SLC22A25: variants seen among roughly 807,000 people sequenced by gnomAD.
SLC22A25 encodes the protein MGI:2442751, MGI:2385316, MGI:3042283, MGI:3645714, MGI:3605624, MGI:2442750.
Under a neutral mutation model 45.9 loss-of-function variants are expected in SLC22A25, and 44 were observed. That is an observed-to-expected ratio of 0.96 (90% CI 0.75 to 1.23). SLC22A25 has a LOEUF of 1.23. Ranked by LOEUF, SLC22A25 falls within the 50% of genes most tolerant of loss-of-function variation. The pLI is 0.00. For synonymous variants in SLC22A25, 283 were observed against 238.6 expected, an observed-to-expected ratio of 1.19 and a Z score of -1.72; for missense variants, 800 against 666.4, an observed-to-expected ratio of 1.20 and a Z score of -2.21.
At chr11:63,235,568 ACTT>A (rs2090148848) in intron 3 of SLC22A25, among the ~76,000 whole-genome samples, 1 of 152,144 alleles carries the variant, frequency 6.6e-6, no homozygotes, top group Middle Eastern at 3.4e-3. Context: ...AAAGTTTTTA[ACTT>A]CTTTGCCATT....
At chr11:63,182,222 G>T (rs1009452966) in intron 8 of SLC22A25, among the ~76,000 whole-genome samples, 3 of 151,032 alleles carry the variant, frequency 2.0e-5, no homozygotes, top group African/African-American at 7.4e-5. Context: ...AGCAACACTG[G>T]CCTTCCTCTG....
chr11:63,182,114 A>T (rs1432239932), intron 8 of SLC22A25, among the ~76,000 whole-genome samples: 1 of 152,048 alleles, frequency 6.6e-6, no homozygotes, highest in Non-Finnish European at 1.5e-5. Context: ...GACCACACAC[A>T]TATGGATAAT....
chr11:63,216,453 C>G (rs1212887184), intron 7 of SLC22A25, among the ~76,000 whole-genome samples: 1 of 152,106 alleles, frequency 6.6e-6, no homozygotes. Context: ...TTCACAATAA[C>G]AAATACATGG....
chr11:63,163,020 G>C lies in SLC22A25; in HGVS notation c.*804C>G, dbSNP rs1376238681. On this transcript the variant is annotated 3_prime_UTR_variant, in exon 12 of 12. Transcript: ENST00000306494. ...AAAAAAGCTCAAAAATGAAAGACAT[G>C]GACTAAACATATAAGTCCTGCATTC... 6.6e-6 allele frequency among the ~76,000 whole-genome samples: 1 copy of C among 152,108 alleles called. No homozygotes were observed. Among genetic ancestry groups the C allele is most frequent in the Non-Finnish European group, 1.5e-5 (1 of 68,022 alleles).
At chr11:63,183,178 A>G (rs1024019351) in intron 8 of SLC22A25, among the ~76,000 whole-genome samples, 12 of 152,132 alleles carry the variant, frequency 7.9e-5, no homozygotes, top group African/African-American at 2.9e-4. Context: ...ATACAAATAT[A>G]GATTTGGACT....
intron 7 of SLC22A25, among the ~76,000 whole-genome samples, chr11:63,213,237 G>C (rs751535025): frequency 2.1e-4 from 32 of 152,200 alleles, no homozygotes; most frequent in Non-Finnish European, 4.1e-4. Flanking sequence ...AAAGGAAAGA[G>C]AGCCCCTCCT....
At chr11:63,207,297 C>T (rs1203534041) in intron 7 of SLC22A25, among the ~76,000 whole-genome samples, 1 of 152,182 alleles carries the variant, frequency 6.6e-6, no homozygotes, top group Non-Finnish European at 1.5e-5. Flanking sequence ...AGAGCTTCTG[C>T]ACAGCATTGG....
intron 9 of SLC22A25, among the ~76,000 whole-genome samples, chr11:63,180,097 C>T (rs1406454941): frequency 6.6e-6 from 1 of 152,112 alleles, no homozygotes; most frequent in Non-Finnish European, 1.5e-5. Context: ...TGGTTTCGTG[C>T]TCATCTGGGG....
In SLC22A25 at chr11:63,165,199, CAAAT is replaced by C. The variant is rs376638023; in HGVS notation, c.1286-569_1286-566del. 2.9e-4 allele frequency among the ~76,000 whole-genome samples: 44 copies of C among 152,244 alleles called. No homozygotes were observed. The East Asian group carries it at 4.1e-3, about 14-fold the overall frequency. On this transcript the variant is annotated intron_variant, in intron 10 of 11. Coordinates refer to ENST00000306494, the MANE Select transcript of SLC22A25 (RefSeq NM_199352.6). ...GGAGAAAAATATCAGACTTTGGAAACAAATGAAGTGAAGTTTCAGAGGCAGGATT... is the reference window on the plus strand; with the variant it reads ...GGAGAAAAATATCAGACTTTGGAAACGAAGTGAAGTTTCAGAGGCAGGATT...
At chr11:63,196,185 C>G (rs949934037) in intron 7 of SLC22A25, among the ~76,000 whole-genome samples, 2 of 152,158 alleles carry the variant, frequency 1.3e-5, no homozygotes, top group Admixed American at 6.6e-5. Context: ...CAAAGAGGAG[C>G]TGGTACCATT....
At chr11:63,231,474 C>T (rs1231513205) in intron 3 of SLC22A25, among the ~76,000 whole-genome samples, 2 of 152,166 alleles carry the variant, frequency 1.3e-5, no homozygotes, top group Non-Finnish European at 2.9e-5. Context: ...TGTTCATATA[C>T]TTTGCCCACT....
In SLC22A25 at chr11:63,163,821, G is replaced by A; in HGVS notation, c.*3C>T. The stretch of plus-strand genomic sequence containing the variant: ...ATGGTGTTTTGCTTTCCTCAGCACA[G>A]ACCTATAGCACAGAGCTCCTCTGAG... On this transcript the variant is annotated 3_prime_UTR_variant, in exon 12 of 12. Transcript: ENST00000306494. 1 of 1,610,826 alleles carries A rather than the reference G, an allele frequency of 6.2e-7. No individual in the cohort carries two copies. Among genetic ancestry groups the A allele is most frequent in the Non-Finnish European group, 8.5e-7 (1 of 1,178,462 alleles).
At chr11:63,192,388 T>C (rs889091640) in intron 7 of SLC22A25, among the ~76,000 whole-genome samples, 2 of 151,958 alleles carry the variant, frequency 1.3e-5, no homozygotes, top group African/African-American at 4.8e-5. Flanking sequence ...AAAAACACAC[T>C]GAAGTACACA....
At chr11:63,183,183 T>C (rs1390757708) in intron 8 of SLC22A25, among the ~76,000 whole-genome samples, 1 of 152,152 alleles carries the variant, frequency 6.6e-6, no homozygotes, top group Non-Finnish European at 1.5e-5. Context: ...AATATAGATT[T>C]GGACTGGTGT....
intron 7 of SLC22A25, among the ~76,000 whole-genome samples, chr11:63,212,779 G>A (rs2089608710): frequency 6.7e-6 from 1 of 150,346 alleles, no homozygotes; most frequent in African/African-American, 2.4e-5. Context: ...TTGTGTACAT[G>A]TACCCTAAAA....
intron 5 of SLC22A25, among the ~76,000 whole-genome samples, chr11:63,224,449 G>A (rs914273296): frequency 6.6e-6 from 1 of 152,044 alleles, no homozygotes; most frequent in Non-Finnish European, 1.5e-5. Flanking sequence ...GATAAGTAAG[G>A]ACTTACTCCT....
At chr11:63,199,975 A>C (rs1273216960) in intron 7 of SLC22A25, among the ~76,000 whole-genome samples, 1 of 152,040 alleles carries the variant, frequency 6.6e-6, no homozygotes, top group Non-Finnish European at 1.5e-5. Flanking sequence ...TGTGTCTCTG[A>C]GTCCATTCTT....
intron 3 of SLC22A25, among the ~76,000 whole-genome samples, chr11:63,237,543 A>G (rs189632776): frequency 3.9e-5 from 6 of 152,312 alleles, no homozygotes; most frequent in Admixed American, 2.6e-4. Flanking sequence ...CTCCATAAAC[A>G]TGAACCAAAT....
intron 7 of SLC22A25, among the ~76,000 whole-genome samples, chr11:63,186,626 A>T (rs1377694945): frequency 6.6e-6 from 1 of 152,038 alleles, no homozygotes; most frequent in African/African-American, 2.4e-5. Context: ...GCCCATGCCT[A>T]TGTCCTGAAT....
Sources: gnomAD v4.1 joint callset for allele counts (sites outside exome capture counted in the v4.1 genomes callset) on GRCh38, gnomAD v4.1.1 for gene constraint, MANE v1.5 for transcripts, NCBI Gene and HGNC (gene_info 2026-07-23, HGNC 2026-07-21) for gene names.